ELP2: variants seen among roughly 807,000 people sequenced by gnomAD.
ELP2 encodes the protein elongator complex protein 2.
A neutral mutation model predicts 119.2 loss-of-function variants in ELP2; 90 were observed. That is an observed-to-expected ratio of 0.75 (90% CI 0.64 to 0.90). The LOEUF (loss-of-function observed/expected upper bound fraction) is 0.90, where lower values mean the gene tolerates loss of function less well. Among genes scored for constraint, ELP2 ranks in the 40% least tolerant of loss-of-function variants. The pLI is 0.00. For missense variants in ELP2, 921 were observed against 967.8 expected (o/e 0.95, Z 0.64); for synonymous variants, 339 against 331.0 (o/e 1.02, Z -0.26).
chr18:36,154,163 T>C (rs555160028), intron 11 of ELP2, among the ~76,000 whole-genome samples: 1 of 150,966 alleles, frequency 6.6e-6, no homozygotes, highest in African/African-American at 2.4e-5. Context: ...TTTATACACA[T>C]TTAATTTTCC....
intron 17 of ELP2, among the ~76,000 whole-genome samples, chr18:36,162,707 AC>A (rs1220335255): frequency 6.6e-6 from 1 of 152,134 alleles, no homozygotes; most frequent in Non-Finnish European, 1.5e-5. Context: ...GTTGCTGTGC[AC>A]CCTCACCAGC....
chr18:36,167,005 A>G lies in ELP2; in HGVS notation c.1955-96A>G, dbSNP rs527759961. 50 of 1,260,282 alleles carry G rather than the reference A, an allele frequency of 4.0e-5. No individual in the cohort carries two copies. In the Admixed American group the frequency reaches 7.7e-4, roughly 19 times the overall value. The allele number at this position is 1,260,282 out of a possible 1,614,324, so 78.1% of individuals were successfully genotyped here. ...GTCAGTGCATATAAATTGAATATTA[A>G]GTCATATGGTGTATATGGCACTTAA... is the stretch of plus-strand genomic sequence containing the variant. On this transcript the variant is annotated intron_variant, in intron 18 of 21. Transcript: ENST00000358232.
rs1382179926 is a variant in ELP2 at position 36,159,719 on chromosome 18, T to G, written c.1535-16T>G. On this transcript the variant is annotated splice_polypyrimidine_tract_variant and intron_variant, in intron 14 of 21. Coordinates refer to ENST00000358232, the MANE Select transcript of ELP2 (RefSeq NM_018255.4). ...AAAAATAGTGACTATATTCTTGATG[T>G]GTTTCTTCAAACTAGGAGATATAGC... The G allele has an allele frequency of 6.3e-7, 1 of 1,576,978 alleles. No homozygotes were observed. Among genetic ancestry groups the G allele is most frequent in the Non-Finnish European group, 8.7e-7 (1 of 1,146,690 alleles).
At chr18:36,131,222 A>C (rs2089610979) in intron 1 of ELP2, among the ~76,000 whole-genome samples, 2 of 152,176 alleles carry the variant, frequency 1.3e-5, no homozygotes. Flanking sequence ...ATATATATGA[A>C]ATATTTGTAA....
Position 36,176,961 on chromosome 18 carries a change from G to C in ELP2, c.*2320G>C, listed in dbSNP as rs1160104519. The C allele has an allele frequency of 6.6e-6, 1 of 152,104 alleles. No homozygotes were observed. The highest frequency in any genetic ancestry group is 2.4e-5 in the African/African-American group (1 of 41,386). The allele number at this position is 152,104 out of a possible 1,614,324, so 9.4% of individuals were successfully genotyped here. On this transcript the variant is annotated 3_prime_UTR_variant, in exon 22 of 22. Transcript: ENST00000358232. Reference sequence around the variant, plus strand: ...TCCTGTCTGCCAGGAAAAGTTTTCTGTAGTGACGCACGTGTTGTGTGTGTA... The same window carrying C: ...TCCTGTCTGCCAGGAAAAGTTTTCTCTAGTGACGCACGTGTTGTGTGTGTA...
intron 14 of ELP2, 23 bp downstream of exon 14, chr18:36,158,927 T>G (rs1271171803): frequency 6.5e-7 from 1 of 1,549,500 alleles, no homozygotes; most frequent in Non-Finnish European, 8.9e-7. Flanking sequence ...TCTTCAAAAT[T>G]ATTAAACCCA....
chr18:36,139,532 TG>T (rs1371308152), intron 5 of ELP2: 2 of 1,535,600 alleles, frequency 1.3e-6, no homozygotes, highest in East Asian at 4.9e-5. Context: ...TTCCATTCTG[TG>T]CAAGGCTCTG....
At position 36,175,841 on chromosome 18, in the gene ELP2, T is replaced by A. The variant is rs1295912938; in HGVS notation, c.*1200T>A. 6.6e-6 allele frequency: 1 copy of A among 152,106 alleles called. No homozygotes were observed. Among genetic ancestry groups the A allele is most frequent in the Non-Finnish European group, 1.5e-5 (1 of 68,036 alleles). The allele number at this position is 152,106 out of a possible 1,614,324, so 9.4% of individuals were successfully genotyped here. On this transcript the variant is annotated 3_prime_UTR_variant, in exon 22 of 22. Transcript: ENST00000358232. ...GGCAGATTGACAATGCAGTGACAGCTGTATATAATAAATGTGTTGAAAGGA... is the reference window on the plus strand; with the variant it reads ...GGCAGATTGACAATGCAGTGACAGCAGTATATAATAAATGTGTTGAAAGGA...
intron 8 of ELP2, among the ~76,000 whole-genome samples, chr18:36,144,008 G>A (rs917292669): frequency 6.6e-6 from 1 of 152,178 alleles, no homozygotes; most frequent in Non-Finnish European, 1.5e-5. Flanking sequence ...CTGGATGGTA[G>A]ATCCTGTTGG....
chr18:36,164,898 G>A (rs2144776278), intron 18 of ELP2: 2 of 541,082 alleles, frequency 3.7e-6, no homozygotes, highest in South Asian at 4.2e-5. Flanking sequence ...AGTCAAGATG[G>A]CATGCATTCA....
At chr18:36,170,604 G>A (rs1405529964) in intron 20 of ELP2, among the ~76,000 whole-genome samples, 1 of 152,068 alleles carries the variant, frequency 6.6e-6, no homozygotes, top group Non-Finnish European at 1.5e-5. Context: ...GTATGCCACC[G>A]TGCCTGGCCT....
chr18:36,167,939 A>G lies in ELP2; in HGVS notation c.2076+717A>G, dbSNP rs79457365. On this transcript the variant is annotated intron_variant, in intron 19 of 21. Transcript: ENST00000358232. The stretch of plus-strand genomic sequence containing the variant: ...CAGTCCTCCCACTTTGGCCTCCCAA[A>G]GTGTTGGAATTACAGGCATGAGCCA... Among the ~76,000 whole-genome samples the G allele has an allele frequency of 7.5e-3, 1,141 of 152,314 alleles. 19 individuals carry two copies. The highest frequency in any genetic ancestry group is 0.025 in the African/African-American group (1,059 of 41,550).
chr18:36,144,850 C>T (rs775128793), intron 8 of ELP2, 89 bp from the exon 9 acceptor site: 28 of 1,069,428 alleles, frequency 2.6e-5, no homozygotes, highest in Admixed American at 7.8e-5. Context: ...ATTTTTTTTT[C>T]TTACATAATT....
At chr18:36,158,655 T>C (rs2090640517) in intron 13 of ELP2, 180 bp from the exon 14 acceptor site, 1 of 557,538 alleles carries the variant, frequency 1.8e-6, no homozygotes, top group East Asian at 3.1e-5. Flanking sequence ...TAGCATTGCA[T>C]TGTTGGTTCA....
chr18:36,177,002 C>G lies in ELP2; in HGVS notation c.*2361C>G, dbSNP rs2091238266. The stretch of plus-strand genomic sequence containing the variant: ...TGTGTGTGTATGTGTGCGTTTGAGG[C>G]TATATTACTCATTGCTACGGCAGTT... On this transcript the variant is annotated 3_prime_UTR_variant, in exon 22 of 22. Transcript: ENST00000358232. 2 of 152,038 alleles carry G rather than the reference C, an allele frequency of 1.3e-5. No individual in the cohort carries two copies. The highest frequency in any genetic ancestry group is 6.6e-5 in the Admixed American group (1 of 15,256). 9.4% of individuals were successfully genotyped at this position (152,038 alleles called of 1,614,324 possible).
rs753206551 is a variant in ELP2 at position 36,158,907 on chromosome 18, A to G, written c.1534+3A>G. ...ATCAAATAAAGCTGTCTTTCAGGGT[A>G]AGGCTTTTGTCTTCAAAATTATTAA... On this transcript the variant is annotated splice_donor_region_variant and intron_variant, in intron 14 of 21. Transcript: ENST00000358232. 6.2e-7 allele frequency: 1 copy of G among 1,606,646 alleles called. No homozygotes were observed. The highest frequency in any genetic ancestry group is 2.2e-5 in the East Asian group (1 of 44,814).
At chr18:36,169,206 G>T (rs1380976421) in intron 19 of ELP2, among the ~76,000 whole-genome samples, 1 of 151,762 alleles carries the variant, frequency 6.6e-6, no homozygotes, top group African/African-American at 2.4e-5. Flanking sequence ...GATTATAGGT[G>T]TGAGCCACCA....
chr18:36,149,561 C>G (rs72888730), intron 11 of ELP2, among the ~76,000 whole-genome samples: 48,662 of 139,014 alleles, frequency 0.35, 9,869 homozygotes, highest in South Asian at 0.6. Flanking sequence ...TCCTGGACCA[C>G]TGCATCAGGT....
At position 36,180,021 on chromosome 18, in the gene ELP2, A is replaced by G. The variant is rs2091301375; in HGVS notation, c.*5380A>G. On this transcript the variant is annotated 3_prime_UTR_variant, in exon 22 of 22. Transcript: ENST00000358232. Reference sequence around the variant, plus strand: ...TTTTCTTTCTGGTTTACGCAAGTTAAAAGTTTATTTCTCTCATATGAAAGG... The same window carrying G: ...TTTTCTTTCTGGTTTACGCAAGTTAGAAGTTTATTTCTCTCATATGAAAGG... 1 of 152,250 alleles carries G rather than the reference A, an allele frequency of 6.6e-6. No individual in the cohort carries two copies. The highest frequency in any genetic ancestry group is 2.4e-5 in the African/African-American group (1 of 41,458). The allele number at this position is 152,250 out of a possible 1,614,324, so 9.4% of individuals were successfully genotyped here.
Sources: gnomAD v4.1 joint callset for allele counts (sites outside exome capture counted in the v4.1 genomes callset) on GRCh38, gnomAD v4.1.1 for gene constraint, MANE v1.5 for transcripts, NCBI Gene and HGNC (gene_info 2026-07-23, HGNC 2026-07-21) for gene names.